Variants in LMF1 observed in about 807,000 individuals in gnomAD.
LMF1 encodes lipase maturation factor 1, also known as transmembrane protein 112.
In LMF1, 68 loss-of-function variants were observed where a neutral mutation model predicts 60.6. The ratio of observed to expected loss-of-function variants is 1.12; its 90% confidence interval spans 0.92 to 1.37. The LOEUF (loss-of-function observed/expected upper bound fraction) is 1.37. Among genes scored for constraint, LMF1 ranks in the 40% most tolerant of loss-of-function variants. The pLI is 0.00. For synonymous variants in LMF1, 418 were observed against 324.7 expected (o/e 1.29, Z -3.09); for missense variants, 948 against 767.2 (o/e 1.24, Z -2.78).
intron 10 of LMF1, among the ~76,000 whole-genome samples, chr16:857,387 G>A (rs562571936): frequency 1.3e-5 from 2 of 152,312 alleles, no homozygotes; most frequent in African/African-American, 2.4e-5. Context: ...GCCAGCATGT[G>A]GGGTTGTTGC....
chr16:873,620 T>C (rs2891106), intron 6 of LMF1: 3 of 39,638 alleles, frequency 7.6e-5, no homozygotes, highest in East Asian at 8.1e-4. Flanking sequence ...GACATGCCTG[T>C]TCGCGGGGAC....
chr16:889,543 G>A (rs138166988), intron 5 of LMF1, among the ~76,000 whole-genome samples: 47 of 152,202 alleles, frequency 3.1e-4, no homozygotes, highest in Middle Eastern at 3.4e-3. Flanking sequence ...TGAAACTTCC[G>A]GAGGTTTTCA....
intron 5 of LMF1, among the ~76,000 whole-genome samples, chr16:889,357 C>A (rs538640904): frequency 6.8e-6 from 1 of 146,452 alleles, no homozygotes; most frequent in Admixed American, 6.7e-5. Flanking sequence ...TGTGAGGCTG[C>A]GGATGGCCAT....
chr16:916,437 C>T (rs1018292244), intron 3 of LMF1, among the ~76,000 whole-genome samples: 2 of 152,202 alleles, frequency 1.3e-5, no homozygotes, highest in African/African-American at 2.4e-5. Flanking sequence ...TAAAAGTTTC[C>T]TTCATTTTTA....
At chr16:891,628 AC>A (rs59651021) in intron 5 of LMF1, among the ~76,000 whole-genome samples, 59,193 of 151,324 alleles carry the variant, frequency 0.39, 12,856 homozygotes, top group African/African-American at 0.57. Context: ...GAGACACGGG[AC>A]CCCCCCACCA....
At chr16:951,702 C>A (rs1184849726) in intron 2 of LMF1, among the ~76,000 whole-genome samples, 1 of 152,216 alleles carries the variant, frequency 6.6e-6, no homozygotes, top group Non-Finnish European at 1.5e-5. Flanking sequence ...AGAGAAGCCT[C>A]CCACGCAGGT....
intron 10 of LMF1, among the ~76,000 whole-genome samples, chr16:863,167 T>C (rs2069515767): frequency 6.6e-6 from 1 of 152,256 alleles, no homozygotes; most frequent in Non-Finnish European, 1.5e-5. Context: ...TCTGTAGTGA[T>C]ATCTCTTTTT....
At chr16:882,321 C>T (rs2070183978) in intron 5 of LMF1, among the ~76,000 whole-genome samples, 1 of 152,232 alleles carries the variant, frequency 6.6e-6, no homozygotes, top group Non-Finnish European at 1.5e-5. Context: ...TCCCAGCCGA[C>T]CTTGGGACTC....
intron 10 of LMF1, among the ~76,000 whole-genome samples, chr16:862,342 C>T (rs2069490426): frequency 6.6e-6 from 1 of 151,944 alleles, no homozygotes; most frequent in Non-Finnish European, 1.5e-5. Flanking sequence ...TGGGGTTTCA[C>T]CATGTTGGCC....
At chr16:974,585 C>A (rs539162507), upstream of LMF1, among the ~76,000 whole-genome samples, 1 of 152,220 alleles carries the variant, frequency 6.6e-6, no homozygotes, top group South Asian at 2.1e-4. Flanking sequence ...TGGGCTGCCT[C>A]CCCGGAGACC....
At chr16:924,986 G>A (rs901384766) in intron 3 of LMF1, among the ~76,000 whole-genome samples, 2 of 152,238 alleles carry the variant, frequency 1.3e-5, no homozygotes, top group Admixed American at 6.5e-5. Context: ...CCTCCAGCCG[G>A]CAGCGGGGGG....
intron 3 of LMF1, among the ~76,000 whole-genome samples, chr16:920,414 G>A (rs181812010): frequency 6.1e-4 from 93 of 152,366 alleles, no homozygotes; most frequent in African/African-American, 2.2e-3. Flanking sequence ...ACAGAGCCTC[G>A]GAGGAAGGCC....
chr16:855,934 C>T (rs1157498622), intron 10 of LMF1: 1 of 455,992 alleles, frequency 2.2e-6, no homozygotes, highest in Non-Finnish European at 4.4e-6. Context: ...CTCCTCCTGG[C>T]TTTGAGTCTC....
intron 2 of LMF1, among the ~76,000 whole-genome samples, chr16:943,013 C>T (rs2072144657): frequency 6.6e-6 from 1 of 152,248 alleles, no homozygotes; most frequent in Non-Finnish European, 1.5e-5. Context: ...GCCCAGGCAA[C>T]AGATTTTTCA....
At chr16:888,820 G>A (rs1043424940) in intron 5 of LMF1, among the ~76,000 whole-genome samples, 1 of 152,186 alleles carries the variant, frequency 6.6e-6, no homozygotes, top group Admixed American at 6.5e-5. Context: ...ACAGCTACAT[G>A]GGGACCCCGG....
At chr16:939,387 A>G (rs556029651) in intron 2 of LMF1, among the ~76,000 whole-genome samples, 1 of 152,306 alleles carries the variant, frequency 6.6e-6, no homozygotes, top group African/African-American at 2.4e-5. Flanking sequence ...CCTGCGCCAC[A>G]AAGCTGGCCA....
At chr16:958,902 AAC>A (rs1466535869) in intron 1 of LMF1, among the ~76,000 whole-genome samples, 2 of 147,346 alleles carry the variant, frequency 1.4e-5, no homozygotes, top group Admixed American at 1.3e-4. Context: ...AAACCAAAAA[AAC>A]AAAACAAAAA....
In LMF1 at chr16:930,017, G is replaced by A. The variant is rs561960619; in HGVS notation, c.514+4227C>T. ...CACAGAGCCCAGGACAGCAGTGGTC[G>A]CGTCCGTGTGAACGGGGGCACAGGG... On this transcript the variant is annotated intron_variant, in intron 3 of 10. Transcript: ENST00000262301. Among the ~76,000 whole-genome samples, 34 of 150,940 alleles carry A rather than the reference G, an allele frequency of 2.3e-4. 1 individual carries two copies. The highest frequency in any genetic ancestry group is 7.1e-4 in the African/African-American group (29 of 41,014).
At position 874,844 on chromosome 16, in the gene LMF1, G is replaced by C. The variant is rs1395731337; in HGVS notation, c.898-3503C>G. On this transcript the variant is annotated intron_variant, in intron 6 of 10. Transcript: ENST00000262301. This position sits in a 1 kb window ranked among gnomAD's most constrained non-coding sequence, Gnocchi z 4.1. Reference sequence around the variant, plus strand: ...CGGCACAGGGGAGTACGCAGCCCCAGCCAGGACACTACAATGTTAGAGGGC... The same window carrying C: ...CGGCACAGGGGAGTACGCAGCCCCACCCAGGACACTACAATGTTAGAGGGC... Among the ~76,000 whole-genome samples the C allele has an allele frequency of 6.6e-6, 1 of 152,026 alleles. No individual in the cohort carries two copies. The highest frequency in any genetic ancestry group is 6.5e-5 in the Admixed American group (1 of 15,290).
Sources: gnomAD v4.1 joint callset for allele counts (sites outside exome capture counted in the v4.1 genomes callset) on GRCh38, gnomAD v4.1.1 for gene constraint, Gnocchi (gnomAD v3.1) non-coding constraint, MANE v1.5 for transcripts, NCBI Gene and HGNC (gene_info 2026-07-23, HGNC 2026-07-21) for gene names.